Variants in TESPA1 observed in about 807,000 individuals in gnomAD.
TESPA1 encodes protein TESPA1.
In TESPA1, 33 loss-of-function variants were observed where a neutral mutation model predicts 57.9. The observed-to-expected ratio is 0.57, with a 90% CI of 0.43 to 0.76. The LOEUF (loss-of-function observed/expected upper bound fraction) is 0.76. TESPA1 is among the 30% of genes least tolerant of loss of function. The pLI, the probability that TESPA1 is intolerant of heterozygous loss-of-function variation, is 0.00. For synonymous variants in TESPA1, 227 were observed against 228.9 expected (o/e 0.99, Z 0.07); for missense variants, 618 against 632.9 (o/e 0.98, Z 0.25).
At chr12:54,960,970 G>T (rs920690752) in intron 10 of TESPA1, among the ~76,000 whole-genome samples, 198 bp downstream of exon 10, 12 of 152,030 alleles carry the variant, frequency 7.9e-5, no homozygotes, top group Non-Finnish European at 4.4e-5. Context: ...CAAAGCCTGG[G>T]CATCATTGAT....
Position 54,967,241 on chromosome 12 carries a change from C to T in TESPA1, c.257-5G>A. 1.2e-6 allele frequency: 2 copies of T among 1,612,172 alleles called. No individual in the cohort carries two copies. The highest frequency in any genetic ancestry group is 1.3e-5 in the African/African-American group (1 of 74,706). On this transcript the variant is annotated splice_polypyrimidine_tract_variant and splice_region_variant and intron_variant, in intron 4 of 10. Transcript: ENST00000449076. ...TGGTCCCATGGCTGCAGAAGCCTGT[C>T]CAATAATCAGGTGAGGGTCACAGAA...
chr12:54,955,684 G>A (rs997140280), intron 10 of TESPA1, among the ~76,000 whole-genome samples: 15 of 152,312 alleles, frequency 9.8e-5, no homozygotes, highest in African/African-American at 3.1e-4. Context: ...TTTAGTGGAT[G>A]TTCTGTAATA....
chr12:54,968,270 A>G (rs1030808411), intron 3 of TESPA1, among the ~76,000 whole-genome samples: 5 of 152,212 alleles, frequency 3.3e-5, no homozygotes. Flanking sequence ...TTTCCAAATC[A>G]CAAATATAAA....
At position 54,967,365 on chromosome 12, in the gene TESPA1, C is replaced by T. The variant is rs766104674; in HGVS notation, c.257-129G>A. On this transcript the variant is annotated intron_variant, in intron 4 of 10. Transcript: ENST00000449076. Reference sequence around the variant, plus strand: ...AGACTTGCACAACCAGATAATCATACTAGATACCCACGTTTGTCAAATTAC... The same window carrying T: ...AGACTTGCACAACCAGATAATCATATTAGATACCCACGTTTGTCAAATTAC... 1.0e-3 allele frequency: 1,037 copies of T among 994,990 alleles called. 5 individuals carry two copies. The highest frequency in any genetic ancestry group is 8.2e-4 in the Non-Finnish European group (545 of 661,800). The allele number at this position is 994,990 out of a possible 1,614,324, so 61.6% of individuals were successfully genotyped here.
In TESPA1 at chr12:54,962,292, T is replaced by C. The variant is rs74092413; in HGVS notation, c.1467+139A>G. 1,511 of 1,050,102 alleles carry C rather than the reference T, an allele frequency of 1.4e-3. 21 individuals are homozygous for C. In the African/African-American group the frequency reaches 0.021, roughly 14 times the overall value. The allele number at this position is 1,050,102 out of a possible 1,614,324, so 65.0% of individuals were successfully genotyped here. Reference sequence around the variant, plus strand: ...TTTCTCCCTGTATATTAACCCTGAATTGAAATCAGAAAGTGGTATATCTGG... The same window carrying C: ...TTTCTCCCTGTATATTAACCCTGAACTGAAATCAGAAAGTGGTATATCTGG... On this transcript the variant is annotated intron_variant, in intron 9 of 10. Transcript: ENST00000449076.
chr12:54,960,157 A>G (rs1055120766), intron 10 of TESPA1, among the ~76,000 whole-genome samples: 1 of 152,244 alleles, frequency 6.6e-6, no homozygotes, highest in African/African-American at 2.4e-5. Flanking sequence ...TAATTCAATA[A>G]AGATTTTAAT....
At chr12:54,969,601 A>G (rs1170927252) in intron 3 of TESPA1, among the ~76,000 whole-genome samples, 2 of 152,196 alleles carry the variant, frequency 1.3e-5, no homozygotes, top group African/African-American at 4.8e-5. Context: ...TTAAACAATT[A>G]TATAATAACT....
chr12:54,974,804 G>C (rs11171203), intron 1 of TESPA1, among the ~76,000 whole-genome samples, 197 bp from the exon 2 acceptor site: 1 of 152,036 alleles, frequency 6.6e-6, no homozygotes, highest in African/African-American at 2.4e-5. Flanking sequence ...TCTAAATACC[G>C]GGATAAGTCT....
At chr12:54,980,220 A>G (rs1411064259) in intron 1 of TESPA1, among the ~76,000 whole-genome samples, 4 of 152,246 alleles carry the variant, frequency 2.6e-5, no homozygotes, top group African/African-American at 4.8e-5. Flanking sequence ...CTAGTAGAGA[A>G]GAAGCACCAT....
chr12:54,959,149 G>T (rs1485456486), intron 10 of TESPA1, among the ~76,000 whole-genome samples: 2 of 152,136 alleles, frequency 1.3e-5, no homozygotes, highest in African/African-American at 4.8e-5. Context: ...AGCGTTCCAT[G>T]GTCTTATGGT....
intron 1 of TESPA1, among the ~76,000 whole-genome samples, chr12:54,978,465 A>G (rs1348655607): frequency 6.6e-6 from 1 of 152,242 alleles, no homozygotes; most frequent in African/African-American, 2.4e-5. Flanking sequence ...AGTACCCATA[A>G]AAGAAAGTGC....
Position 54,967,780 on chromosome 12 carries a change from C to A in TESPA1, c.256+63G>T. ...ATATGTGCATAAACACTCACATACA[C>A]ACACGCACAGGTATATCACTCTCCA... On this transcript the variant is annotated intron_variant, in intron 4 of 10. Transcript: ENST00000449076. 7 of 1,589,434 alleles carry A rather than the reference C, an allele frequency of 4.4e-6. No homozygotes were observed. In the South Asian group the frequency reaches 7.8e-5, roughly 18 times the overall value.
chr12:54,965,736 A>G (rs1258287272), intron 7 of TESPA1, among the ~76,000 whole-genome samples: 2 of 152,184 alleles, frequency 1.3e-5, no homozygotes, highest in Non-Finnish European at 2.9e-5. Flanking sequence ...AAATTAGTCA[A>G]TTAATCAATA....
chr12:54,966,650 T>TTC (rs1286407127), intron 5 of TESPA1, among the ~76,000 whole-genome samples: 6 of 152,158 alleles, frequency 3.9e-5, no homozygotes, highest in African/African-American at 1.4e-4. Context: ...CCCTATGAAC[T>TTC]TCTGACCCAT....
chr12:54,974,674 G>C, intron 1 of TESPA1, 67 bp from the exon 2 acceptor site: 2 of 1,233,854 alleles, frequency 1.6e-6, no homozygotes, highest in East Asian at 6.0e-5. Flanking sequence ...GCTCAGGGTT[G>C]CCCCCTGAAT....
chr12:54,969,769 A>G (rs140397406), intron 3 of TESPA1, among the ~76,000 whole-genome samples: 22 of 152,172 alleles, frequency 1.4e-4, no homozygotes, highest in African/African-American at 4.6e-4. Context: ...TCCCAAACAT[A>G]TCTATGATGT....
chr12:54,956,001 A>G (rs1040447546), intron 10 of TESPA1, among the ~76,000 whole-genome samples: 1 of 152,218 alleles, frequency 6.6e-6, no homozygotes, highest in African/African-American at 2.4e-5. Flanking sequence ...GAATAATGAA[A>G]GACCTTATGT....
intron 3 of TESPA1, among the ~76,000 whole-genome samples, chr12:54,969,173 G>A (rs928087838): frequency 1.3e-5 from 2 of 150,592 alleles, no homozygotes; most frequent in Non-Finnish European, 3.0e-5. Flanking sequence ...CTACATCAAA[G>A]GTTCATTATA....
intron 3 of TESPA1, among the ~76,000 whole-genome samples, chr12:54,969,654 G>A (rs747138339): frequency 2.0e-5 from 3 of 152,136 alleles, no homozygotes; most frequent in Non-Finnish European, 2.9e-5. Flanking sequence ...AGTTACTGCT[G>A]CATGCGAATA....
Sources: allele counts gnomAD v4.1 joint callset (sites outside exome capture counted in the v4.1 genomes callset), GRCh38; gene constraint gnomAD v4.1.1; transcripts MANE v1.5; gene names NCBI Gene and HGNC (gene_info 2026-07-23, HGNC 2026-07-21).